RABGEF1: variants seen among roughly 807,000 people sequenced by gnomAD.
RABGEF1 encodes RAB guanine nucleotide exchange factor 1, also known as rab5 GDP/GTP exchange factor.
In RABGEF1, 26 loss-of-function variants were observed where a neutral mutation model predicts 57.3. The ratio of observed to expected loss-of-function variants is 0.45; its 90% CI spans 0.33 to 0.63. RABGEF1 has a LOEUF of 0.63. Among genes scored for constraint, RABGEF1 ranks in the 20% least tolerant of loss-of-function variants. RABGEF1 has a pLI of 0.02. For synonymous variants in RABGEF1, 185 were observed against 210.7 expected (o/e 0.88, Z 1.06); for missense variants, 464 against 607.6 (o/e 0.76, Z 2.48).
rs1393457766 is a variant in RABGEF1, at chr7:66,716,286, T to A, written c.-815+4062T>A. Among the ~76,000 whole-genome samples, 14 of 152,292 alleles carry A rather than the reference T, an allele frequency of 9.2e-5. No individual in the cohort carries two copies. The East Asian group carries it at 2.5e-3, about 27-fold the overall frequency. Reference sequence around the variant, plus strand: ...AACATATCTTTTTCCATTTTTAAACTTATAATCTACCTATATTAAAATATA... The same window carrying A: ...AACATATCTTTTTCCATTTTTAAACATATAATCTACCTATATTAAAATATA... On this transcript the variant is annotated intron_variant and NMD_transcript_variant, in intron 2 of 9. Coordinates refer to the RABGEF1 transcript ENST00000607882.
upstream of RABGEF1, among the ~76,000 whole-genome samples, chr7:66,738,023 G>GTT (rs958049174): frequency 3.1e-3 from 401 of 129,420 alleles, 18 homozygotes; most frequent in East Asian, 0.083. Context: ...TGTTTTTTTT[G>GTT]TTTTTTTTTT....
intron 1 of RABGEF1, among the ~76,000 whole-genome samples, chr7:66,684,695 C>T (rs558673816): frequency 5.9e-4 from 90 of 152,106 alleles, no homozygotes; most frequent in African/African-American, 2.1e-3. Flanking sequence ...AGTGCAGTGG[C>T]CTGATCTTGG....
chr7:66,764,303 C>T (rs1805162398), intron 1 of RABGEF1, among the ~76,000 whole-genome samples: 1 of 151,826 alleles, frequency 6.6e-6, no homozygotes, highest in Admixed American at 6.6e-5. Flanking sequence ...CTTTTACCTG[C>T]TAAAAAAAAT....
chr7:66,805,497 TG>T, intron 8 of RABGEF1, 101 bp downstream of exon 8: 1 of 1,525,676 alleles, frequency 6.6e-7, no homozygotes, highest in Non-Finnish European at 8.9e-7. Context: ...AATGCTTCTG[TG>T]TGAGAAGGCA....
chr7:66,796,759 T>C (rs1424878373), intron 5 of RABGEF1: 1 of 319,074 alleles, frequency 3.1e-6, no homozygotes, highest in Non-Finnish European at 6.1e-6. Context: ...CCCAGCTAAT[T>C]TTTGTATTTT....
intron 1 of RABGEF1, among the ~76,000 whole-genome samples, chr7:66,760,720 G>C (rs1804105737): frequency 6.6e-6 from 1 of 152,128 alleles, no homozygotes; most frequent in African/African-American, 2.4e-5. Flanking sequence ...GGGATTACAG[G>C]CATGAGCCAC....
chr7:66,688,085 CAAAAAAA>C (rs60925853), intron 1 of RABGEF1, among the ~76,000 whole-genome samples: 12 of 109,124 alleles, frequency 1.1e-4, no homozygotes, highest in African/African-American at 1.1e-4. Context: ...AACTCTGTGT[CAAAAAAA>C]AAAAAAAAAA....
chr7:66,685,669 G>GAATA (rs1447330008), intron 1 of RABGEF1, among the ~76,000 whole-genome samples: 3 of 152,142 alleles, frequency 2.0e-5, no homozygotes, highest in Non-Finnish European at 4.4e-5. Context: ...GATTTGATAA[G>GAATA]AATAAATTCA....
chr7:66,730,350 C>T (rs1797163776), intron 2 of RABGEF1, among the ~76,000 whole-genome samples: 1 of 152,134 alleles, frequency 6.6e-6, no homozygotes, highest in Non-Finnish European at 1.5e-5. Context: ...AAACAATAGG[C>T]TCCACCACTT....
At chr7:66,794,154 A>G (rs1813422040) in intron 4 of RABGEF1, among the ~76,000 whole-genome samples, 1 of 151,926 alleles carries the variant, frequency 6.6e-6, no homozygotes, top group African/African-American at 2.4e-5. Flanking sequence ...CTTCCAGGAA[A>G]ACATTTCTGT....
chr7:66,756,666 T>G (rs1170807911), intron 1 of RABGEF1, among the ~76,000 whole-genome samples: 1 of 152,182 alleles, frequency 6.6e-6, no homozygotes, highest in Non-Finnish European at 1.5e-5. Flanking sequence ...TTTGTTTCCT[T>G]TCTGACTTTC....
At chr7:66,792,997 CTG>C (rs80286385) in intron 4 of RABGEF1, among the ~76,000 whole-genome samples, 5,994 of 152,220 alleles carry the variant, frequency 0.039, 161 homozygotes, top group East Asian at 0.085. Context: ...GGAGCATAAA[CTG>C]CAGTAGAAAT....
intron 1 of RABGEF1, among the ~76,000 whole-genome samples, chr7:66,749,297 A>C (rs1800890687): frequency 6.6e-6 from 1 of 152,230 alleles, no homozygotes; most frequent in Non-Finnish European, 1.5e-5. Context: ...GTGTTAATGG[A>C]GAGAGACCAT....
chr7:66,687,693 A>T (rs1584639436), intron 1 of RABGEF1, among the ~76,000 whole-genome samples: 1 of 152,100 alleles, frequency 6.6e-6, no homozygotes, highest in East Asian at 1.9e-4. Flanking sequence ...ATAAAACATG[A>T]TCCATCTATA....
intron 1 of RABGEF1, among the ~76,000 whole-genome samples, chr7:66,688,963 C>G (rs1791116099): frequency 6.6e-6 from 1 of 152,040 alleles, no homozygotes. Flanking sequence ...CATGGTGGTG[C>G]AGGCCTGTAA....
At chr7:66,793,081 C>G (rs1813114207) in intron 4 of RABGEF1, among the ~76,000 whole-genome samples, 1 of 152,016 alleles carries the variant, frequency 6.6e-6, no homozygotes, top group Non-Finnish European at 1.5e-5. Flanking sequence ...AGAATATGAT[C>G]CCTTGACACC....
chr7:66,695,373 G>C (rs1040026475), intron 1 of RABGEF1, among the ~76,000 whole-genome samples: 1 of 152,302 alleles, frequency 6.6e-6, no homozygotes, highest in Non-Finnish European at 1.5e-5. Flanking sequence ...CACATGAAAG[G>C]GATGGGCAAG....
chr7:66,674,372 G>A, the RABGEF1 span, among the ~76,000 whole-genome samples: 1 of 151,798 alleles, frequency 6.6e-6, no homozygotes, highest in African/African-American at 2.4e-5. Context: ...TTTTTAAGTA[G>A]AGATGGAGTT....
chr7:66,677,846 G>T (rs1323164991), upstream of RABGEF1, among the ~76,000 whole-genome samples: 2 of 150,778 alleles, frequency 1.3e-5, no homozygotes, highest in African/African-American at 2.4e-5. Context: ...CTGGTGGATT[G>T]TTTGAGTCCA....
Sources: allele counts gnomAD v4.1 joint callset (sites outside exome capture counted in the v4.1 genomes callset), GRCh38; gene constraint gnomAD v4.1.1; transcripts MANE v1.5; gene names NCBI Gene and HGNC (gene_info 2026-07-23, HGNC 2026-07-21).